TNIP3: variants seen among roughly 807,000 people sequenced by gnomAD.
TNIP3 encodes the protein TNFAIP3-interacting protein 3.
Under a neutral mutation model 54.1 loss-of-function variants are expected in TNIP3, and 34 were observed. The ratio of observed to expected loss-of-function variants is 0.63; its 90% CI spans 0.48 to 0.84. The LOEUF is 0.84. TNIP3 is among the 40% of genes least tolerant of loss of function. The pLI is 0.00. For synonymous variants in TNIP3, 134 were observed against 136.8 expected, an observed-to-expected ratio of 0.98 and a Z score of 0.14; for missense variants, 366 against 387.6, an observed-to-expected ratio of 0.94 and a Z score of 0.47.
chr4:121,160,370 T>G (rs1730373699), intron 2 of TNIP3, among the ~76,000 whole-genome samples: 1 of 151,994 alleles, frequency 6.6e-6, no homozygotes, highest in Non-Finnish European at 1.5e-5. Flanking sequence ...TCCCAGCTAC[T>G]TGGGAGGCTG....
At chr4:121,198,299 T>G (rs1207127701) in intron 2 of TNIP3, among the ~76,000 whole-genome samples, 1 of 152,210 alleles carries the variant, frequency 6.6e-6, no homozygotes. Flanking sequence ...ATGACCTTCA[T>G]TGTAAAGAAT....
chr4:121,170,608 T>C (rs1731013330), intron 3 of TNIP3, among the ~76,000 whole-genome samples: 1 of 152,130 alleles, frequency 6.6e-6, no homozygotes, highest in East Asian at 1.9e-4. Flanking sequence ...TTTTGATTAA[T>C]ATTTAATAAA....
intron 3 of TNIP3, among the ~76,000 whole-genome samples, chr4:121,171,221 A>G (rs1393875654): frequency 6.6e-6 from 1 of 152,212 alleles, no homozygotes; most frequent in Non-Finnish European, 1.5e-5. Context: ...AACTCTAGAC[A>G]CCATCTGGAG....
intron 3 of TNIP3, chr4:121,182,603 TCCA>T: frequency 6.7e-7 from 1 of 1,499,846 alleles, no homozygotes; most frequent in South Asian, 1.2e-5. Context: ...GGGGACTGTC[TCCA>T]CAAATTCTTC....
chr4:121,170,809 C>T (rs558335495), intron 3 of TNIP3, among the ~76,000 whole-genome samples: 3 of 152,032 alleles, frequency 2.0e-5, no homozygotes, highest in Admixed American at 6.6e-5. Context: ...TTTCTTTGCT[C>T]GGTAAGAGAT....
chr4:121,188,457 C>A (rs1302479978), intron 2 of TNIP3, among the ~76,000 whole-genome samples: 1 of 152,038 alleles, frequency 6.6e-6, no homozygotes, highest in Non-Finnish European at 1.5e-5. Context: ...GTTTGGAGCC[C>A]TCATATTTTT....
rs1730556372 is a variant in TNIP3 at position 121,163,139 on chromosome 4, G to T, written c.66+921C>A. Among the ~76,000 whole-genome samples, 3 of 152,076 alleles carry T rather than the reference G, an allele frequency of 2.0e-5. No homozygotes were observed. The South Asian group carries it at 6.2e-4, about 32-fold the overall frequency. The stretch of plus-strand genomic sequence containing the variant: ...TTTTGAAATTCATAAGTAATATTCA[G>T]TTATAGGTGGGGGAGGATAGGAGGG... On this transcript the variant is annotated intron_variant, in intron 1 of 10. Coordinates refer to ENST00000057513, the MANE Select transcript of TNIP3 (RefSeq NM_024873.6).
At position 121,205,361 on chromosome 4, in the gene TNIP3, TG is replaced by T. The variant is rs1227886560; in HGVS notation, c.68+11053del. ...GCAAGAAGGAAAATATGGCTGGAGT[TG>T]GGGGAGTAAGAAGGGGGATTGTAGC... On this transcript the variant is annotated intron_variant, in intron 2 of 12. Coordinates refer to the TNIP3 transcript ENST00000507879. Among the ~76,000 whole-genome samples the T allele has an allele frequency of 2.6e-5, 4 of 152,060 alleles. No individual in the cohort carries two copies. The South Asian group carries it at 6.2e-4, about 24-fold the overall frequency.
chr4:121,214,451 A>G (rs1182047160), intron 2 of TNIP3, among the ~76,000 whole-genome samples: 1 of 152,182 alleles, frequency 6.6e-6, no homozygotes, highest in Non-Finnish European at 1.5e-5. Flanking sequence ...CTGGCTGTGG[A>G]GAAGAGGCAA....
chr4:121,155,675 A>G (rs116354707), intron 4 of TNIP3, among the ~76,000 whole-genome samples: 3,927 of 152,316 alleles, frequency 0.026, 82 homozygotes, highest in Middle Eastern at 0.075. Context: ...TTAATTTTGT[A>G]TAATAGATAG....
intron 2 of TNIP3, among the ~76,000 whole-genome samples, chr4:121,193,128 T>C (rs1297131728): frequency 1.3e-5 from 2 of 152,146 alleles, no homozygotes; most frequent in Non-Finnish European, 2.9e-5. Context: ...ATGCAAGGGG[T>C]CTGACAAAAA....
At chr4:121,141,069 A>G (rs1295590746) in intron 9 of TNIP3, among the ~76,000 whole-genome samples, 1 of 152,224 alleles carries the variant, frequency 6.6e-6, no homozygotes, top group Admixed American at 6.5e-5. Flanking sequence ...GAGAAACACA[A>G]TTAATCAAAC....
rs1243408503 is a variant in TNIP3, at chr4:121,132,662, C to G, written c.947G>C (p.Gly316Ala). 6.2e-7 allele frequency: 1 copy of G among 1,610,936 alleles called. No homozygotes were observed. Among genetic ancestry groups the G allele is most frequent in the Admixed American group, 1.7e-5 (1 of 59,942 alleles). The change falls in exon 11 of 11, where the codon GGT becomes GCT. Residue 316 changes from glycine to alanine, a missense_variant and splice_region_variant. Coordinates refer to ENST00000057513, the MANE Select transcript of TNIP3 (RefSeq NM_024873.6). ...ATGGACTTTCTTTACTGAGGATAAA[C>G]CTATGGAAAACAGTAGGAAAATGTT... Reference protein sequence around the residue: ...LPPDVQHKANGLSSVKKVHP With the variant: ...LPPDVQHKANALSSVKKVHP
Position 121,159,346 on chromosome 4 carries a change from T to A in TNIP3, c.148-594A>T, listed in dbSNP as rs541499636. ...AACAGTTTATCAGTAACTTTTAACT[T>A]TTTTTAGTTATTTGGATTTTCATTT... On this transcript the variant is annotated intron_variant, in intron 2 of 10. Coordinates refer to ENST00000057513, the MANE Select transcript of TNIP3 (RefSeq NM_024873.6). Among the ~76,000 whole-genome samples the A allele has an allele frequency of 3.9e-5, 6 of 152,332 alleles. 1 individual carries two copies. Among genetic ancestry groups the A allele is most frequent in the African/African-American group, 1.4e-4 (6 of 41,570 alleles).
intron 10 of TNIP3, 86 bp downstream of exon 10, chr4:121,138,538 G>A (rs935773230): frequency 2.2e-5 from 28 of 1,279,892 alleles, no homozygotes; most frequent in African/African-American, 1.2e-4. Flanking sequence ...CCCCAAGTAC[G>A]AATGAATGTA....
intron 1 of TNIP3, among the ~76,000 whole-genome samples, chr4:121,222,732 G>A (rs1727079040): frequency 6.7e-6 from 1 of 149,672 alleles, no homozygotes; most frequent in Non-Finnish European, 1.5e-5. Context: ...TATTATACAT[G>A]TTATTAGTTA....
intron 2 of TNIP3, among the ~76,000 whole-genome samples, chr4:121,184,205 T>C (rs940917375): frequency 6.6e-6 from 1 of 152,144 alleles, no homozygotes; most frequent in Non-Finnish European, 1.5e-5. Flanking sequence ...AAATAACCTC[T>C]TGGATTGAGG....
chr4:121,212,320 C>T (rs1278149351), intron 2 of TNIP3, among the ~76,000 whole-genome samples: 5 of 152,078 alleles, frequency 3.3e-5, no homozygotes, highest in African/African-American at 1.2e-4. Flanking sequence ...TCCCAAAGCT[C>T]CTTGTCTCAA....
upstream of TNIP3, among the ~76,000 whole-genome samples, chr4:121,168,950 G>C (rs936733423): frequency 6.6e-6 from 1 of 152,042 alleles, no homozygotes; most frequent in Non-Finnish European, 1.5e-5. Flanking sequence ...AAGATGATTG[G>C]CATTTTTGCA....
Sources: allele counts gnomAD v4.1 joint callset (sites outside exome capture counted in the v4.1 genomes callset), GRCh38; gene constraint gnomAD v4.1.1; transcripts MANE v1.5; gene names NCBI Gene and HGNC (gene_info 2026-07-23, HGNC 2026-07-21).